Variants in HNF4G observed in about 807,000 individuals in gnomAD.
The protein encoded by HNF4G is hepatocyte nuclear factor 4-gamma.
A neutral mutation model predicts 50.9 loss-of-function variants in HNF4G; 21 were observed. That is an observed-to-expected ratio of 0.41 (90% confidence interval 0.29 to 0.59). The LOEUF (loss-of-function observed/expected upper bound fraction) is 0.59, where lower values mean the gene tolerates loss of function less well. Ranked by LOEUF, HNF4G falls within the 20% of genes least tolerant of loss-of-function variation. HNF4G has a pLI of 0.26. For missense variants in HNF4G, 527 were observed against 559.4 expected, an observed-to-expected ratio of 0.94 and a Z score of 0.58; for synonymous variants, 198 against 185.6, an observed-to-expected ratio of 1.07 and a Z score of -0.54.
At chr8:75,532,721 A>G (rs904781680) in intron 2 of HNF4G, among the ~76,000 whole-genome samples, 1 of 152,036 alleles carries the variant, frequency 6.6e-6, no homozygotes, top group Non-Finnish European at 1.5e-5. Flanking sequence ...TAGTAATCCT[A>G]TATGTATATT....
chr8:75,434,090 G>T, intron 1 of HNF4G, among the ~76,000 whole-genome samples: 1 of 134,742 alleles, frequency 7.4e-6, no homozygotes, highest in Non-Finnish European at 1.6e-5. Flanking sequence ...TACAACCTCC[G>T]CTTCCCAGGT....
chr8:75,559,242 G>C (rs148688247), intron 8 of HNF4G, among the ~76,000 whole-genome samples: 318 of 149,426 alleles, frequency 2.1e-3, no homozygotes, highest in African/African-American at 7.3e-3. Context: ...AAAAATACTT[G>C]AACAGATTCA....
At chr8:75,504,653 T>G (rs918342950) in intron 2 of HNF4G, among the ~76,000 whole-genome samples, 3 of 152,198 alleles carry the variant, frequency 2.0e-5, no homozygotes, top group African/African-American at 7.2e-5. Flanking sequence ...ACTGTAATTA[T>G]TATCAAATTT....
intron 1 of HNF4G, among the ~76,000 whole-genome samples, chr8:75,464,970 T>C (rs563684782): frequency 6.6e-6 from 1 of 152,300 alleles, no homozygotes; most frequent in African/African-American, 2.4e-5. Context: ...AACCTTGTTT[T>C]CTAATCCTTG....
chr8:75,565,001 AT>A lies in HNF4G; in HGVS notation c.*906del. The stretch of plus-strand genomic sequence containing the variant: ...AACTGATTCTGAGGACAAGTTAGCC[AT>A]CTACCACCCATGTCCCTTATTTGGT... On this transcript the variant is annotated 3_prime_UTR_variant, in exon 10 of 10. Coordinates refer to ENST00000396423, the MANE Select transcript of HNF4G (RefSeq NM_004133.5). 6.6e-6 allele frequency: 1 copy of A among 152,312 alleles called. No individual in the cohort carries two copies. The highest frequency in any genetic ancestry group is 2.1e-4 in the South Asian group (1 of 4,830). 9.4% of individuals were successfully genotyped at this position (152,312 alleles called of 1,614,324 possible).
intron 2 of HNF4G, among the ~76,000 whole-genome samples, chr8:75,499,165 A>G (rs1293559332): frequency 2.6e-5 from 4 of 152,118 alleles, no homozygotes; most frequent in African/African-American, 7.2e-5. Flanking sequence ...AAACTACTAA[A>G]TGGGTTCAAC....
chr8:75,558,986 C>A lies in HNF4G; in HGVS notation c.1072C>A (p.Leu358Ile). 6.2e-7 allele frequency: 1 copy of A among 1,613,718 alleles called. No homozygotes were observed. Among genetic ancestry groups the A allele is most frequent in the Middle Eastern group, 1.6e-4 (1 of 6,062 alleles). The change falls in exon 8 of 10, where the codon CTT (leucine) becomes ATT (isoleucine). Residue 358 changes from leucine (L) to isoleucine (I), a missense_variant. By Grantham distance (5) the Leu-to-Ile change is conservative (BLOSUM62 2). Around this residue, in one of 5 missense-constraint regions of HNF4G, gnomAD observed 308 missense variants for 301.5 expected, o/e 1.02. Transcript: ENST00000396423. The stretch of plus-strand genomic sequence containing the variant: ...GATTGAGCAAATACAGTTTGTTAAA[C>A]TTTTTGGGATGGTTAAAATTGACAA... ...QMIEQIQFVK[L>I]FGMVKIDNLL...
intron 2 of HNF4G, among the ~76,000 whole-genome samples, chr8:75,525,261 C>A (rs1029484002): frequency 8.5e-5 from 13 of 152,122 alleles, no homozygotes; most frequent in Non-Finnish European, 1.8e-4. Flanking sequence ...CCTCCGCTTC[C>A]CGATTCAAGC....
intron 1 of HNF4G, among the ~76,000 whole-genome samples, chr8:75,438,495 A>T (rs1366852120): frequency 6.6e-6 from 1 of 152,100 alleles, no homozygotes; most frequent in Admixed American, 6.6e-5. Context: ...ATGAGTTCAC[A>T]GGAAACTTGA....
At chr8:75,547,511 A>T in intron 2 of HNF4G, 76 bp from the exon 3 acceptor site, 1 of 1,040,694 alleles carries the variant, frequency 9.6e-7, no homozygotes, top group Non-Finnish European at 1.5e-6. Context: ...ATACATATTT[A>T]AAATCCATTT....
intron 1 of HNF4G, among the ~76,000 whole-genome samples, chr8:75,435,042 G>T (rs1811104624): frequency 6.6e-6 from 1 of 152,070 alleles, no homozygotes; most frequent in African/African-American, 2.4e-5. Flanking sequence ...CAGAACATTT[G>T]GGAACACTCT....
intron 4 of HNF4G, among the ~76,000 whole-genome samples, chr8:75,551,712 A>G (rs376167485): frequency 1.3e-5 from 2 of 152,230 alleles, no homozygotes; most frequent in East Asian, 3.8e-4. Flanking sequence ...AAAATAAAAC[A>G]AATTTCAGTC....
chr8:75,527,772 G>A (rs553639413), intron 2 of HNF4G, among the ~76,000 whole-genome samples: 25 of 152,268 alleles, frequency 1.6e-4, no homozygotes, highest in Middle Eastern at 6.8e-3. Flanking sequence ...AGATATATGA[G>A]ATCTTTCAGT....
upstream of HNF4G, among the ~76,000 whole-genome samples, chr8:75,538,059 C>T (rs926708835): frequency 2.2e-4 from 33 of 152,142 alleles, no homozygotes; most frequent in South Asian, 4.1e-4. Flanking sequence ...GTTTCTACAT[C>T]TGAATATCAT....
chr8:75,507,901 A>C (rs1393002969), intron 2 of HNF4G, among the ~76,000 whole-genome samples: 3 of 152,166 alleles, frequency 2.0e-5, no homozygotes, highest in Non-Finnish European at 2.9e-5. Flanking sequence ...TCTGTGTAAG[A>C]AAACTAAAAT....
intron 1 of HNF4G, among the ~76,000 whole-genome samples, chr8:75,463,962 C>G (rs143231310): frequency 6.6e-6 from 1 of 151,692 alleles, no homozygotes; most frequent in African/African-American, 2.4e-5. Context: ...TTCATAGAGA[C>G]GGGGTTTCTC....
At chr8:75,501,983 G>A (rs1298840772) in intron 2 of HNF4G, among the ~76,000 whole-genome samples, 3 of 151,974 alleles carry the variant, frequency 2.0e-5, no homozygotes, top group African/African-American at 7.3e-5. Context: ...CTCCCGAGTA[G>A]CTGGTACTAC....
upstream of HNF4G, among the ~76,000 whole-genome samples, chr8:75,537,985 C>T (rs1430652611): frequency 6.6e-6 from 1 of 152,120 alleles, no homozygotes. Flanking sequence ...TTGTACTCTC[C>T]TTCAGAGAAA....
rs776904931 is a variant in HNF4G at position 75,558,781 on chromosome 8, C to T, written c.887-20C>T. On this transcript the variant is annotated intron_variant, in intron 7 of 9. Transcript: ENST00000396423. ...TAATTAGGTTAAATCTGTACACTGC[C>T]TCTCTTATTCCTTTGTTAGATGCAA... is the stretch of plus-strand genomic sequence containing the variant. The T allele has an allele frequency of 6.3e-7, 1 of 1,599,174 alleles. No individual in the cohort carries two copies. Among genetic ancestry groups the T allele is most frequent in the South Asian group, 1.1e-5 (1 of 90,792 alleles).
Sources: gnomAD v4.1 joint callset for allele counts (sites outside exome capture counted in the v4.1 genomes callset) on GRCh38, gnomAD v4.1.1 for gene constraint, gnomAD v4.1.1 regional missense constraint, MANE v1.5 for transcripts, NCBI Gene and HGNC (gene_info 2026-07-23, HGNC 2026-07-21) for gene names.